The following PIK3C3 variants were observed in gnomAD, a reference collection of about 807,000 sequenced individuals.
The protein encoded by PIK3C3 is PI3-kinase type 3.
PIK3C3 carries 95 observed loss-of-function variants against 126.1 expected under a neutral mutation model. The observed-to-expected ratio is 0.75, with a 90% confidence interval of 0.64 to 0.89. The LOEUF (loss-of-function observed/expected upper bound fraction) is 0.89, where lower values mean the gene tolerates loss of function less well. Ranked by LOEUF, PIK3C3 falls within the 40% of genes least tolerant of loss-of-function variation. The probability of loss-of-function intolerance (pLI) is 0.00; values close to 1 mark genes in which losing one functional copy is unlikely to be tolerated. For synonymous variants in PIK3C3, 374 were observed against 360.0 expected, an observed-to-expected ratio of 1.04 and a Z score of -0.44; for missense variants, 829 against 1,063.2, an observed-to-expected ratio of 0.78 and a Z score of 3.06.
At chr18:41,957,447 CTTT>C in intron 1 of PIK3C3, 120 bp from the exon 2 acceptor site, 1 of 879,362 alleles carries the variant, frequency 1.1e-6, no homozygotes, top group Non-Finnish European at 1.7e-6. Flanking sequence ...CAAAGGTAAA[CTTT>C]TTAGTACTTA....
chr18:42,076,430 T>C (rs1448309627), intron 24 of PIK3C3, among the ~76,000 whole-genome samples: 2 of 151,950 alleles, frequency 1.3e-5, no homozygotes, highest in East Asian at 1.9e-4. Flanking sequence ...AAGTGTGATA[T>C]ATAAAGGAGT....
rs1199838049 is a variant in PIK3C3 at position 42,064,812 on chromosome 18, A to G, written c.2505A>G (p.Pro835=). 5 of 1,587,558 alleles carry G rather than the reference A, an allele frequency of 3.1e-6. No homozygotes were observed. Among genetic ancestry groups the G allele is most frequent in the East Asian group, 4.5e-5 (2 of 44,728 alleles). The change falls in exon 23 of 25, where the codon CCA becomes CCG. Residue 835 remains proline (P), a synonymous_variant. Transcript: ENST00000262039. ...DANIPDIALE[P]DKTVKKVQDK... The stretch of plus-strand genomic sequence containing the variant: ...ACATTCCAGATATTGCACTTGAACC[A>G]GATAAAACTGTGAAAAAGGTAATTT...
At chr18:42,037,280 T>C (rs1318530550) in intron 16 of PIK3C3, among the ~76,000 whole-genome samples, 2 of 152,228 alleles carry the variant, frequency 1.3e-5, no homozygotes, top group Non-Finnish European at 2.9e-5. Flanking sequence ...TGATGATAGA[T>C]ATATAAAGAA....
intron 4 of PIK3C3, among the ~76,000 whole-genome samples, chr18:41,977,608 C>G (rs969682543): frequency 2.0e-5 from 3 of 152,080 alleles, no homozygotes; most frequent in African/African-American, 7.2e-5. Flanking sequence ...CTGCCTCAGC[C>G]TGCTGAGTAG....
intron 24 of PIK3C3, among the ~76,000 whole-genome samples, chr18:42,079,400 G>A (rs1986154860): frequency 6.6e-6 from 1 of 152,154 alleles, no homozygotes; most frequent in Non-Finnish European, 1.5e-5. Context: ...ATTTACAATA[G>A]TGATAACGAA....
At chr18:42,057,139 A>G (rs1985105225) in intron 21 of PIK3C3, among the ~76,000 whole-genome samples, 1 of 146,656 alleles carries the variant, frequency 6.8e-6, no homozygotes, top group South Asian at 2.2e-4. Context: ...CTTACATACT[A>G]TACAATGAAA....
chr18:41,957,725 G>A lies in PIK3C3; in HGVS notation c.224G>A (p.Arg75Lys), dbSNP rs1469789993. 6.2e-7 allele frequency: 1 copy of A among 1,613,208 alleles called. No individual in the cohort carries two copies. Among genetic ancestry groups the A allele is most frequent in the South Asian group, 1.1e-5 (1 of 91,016 alleles). The change falls in exon 2 of 25, where the codon AGA (arginine) becomes AAA (lysine). Residue 75 changes from arginine to lysine, a missense_variant. Around this residue, in one of 4 missense-constraint regions of PIK3C3, gnomAD observed 313 missense variants for 340.7 expected, o/e 0.92. Transcript: ENST00000262039. Reference sequence around the variant, plus strand: ...GGGAAGCCTTTGGCCTTGCCAGTGAGAACATCCTACAAAGCATTTAGTACA... The same window carrying A: ...GGGAAGCCTTTGGCCTTGCCAGTGAAAACATCCTACAAAGCATTTAGTACA... ...AEGKPLALPV[R>K]TSYKAFSTRW...
intron 15 of PIK3C3, among the ~76,000 whole-genome samples, chr18:42,033,620 G>A (rs1162686876): frequency 2.0e-5 from 3 of 152,138 alleles, no homozygotes; most frequent in South Asian, 4.1e-4. Context: ...ACAGTCAAGC[G>A]ATTGTTTGGT....
chr18:41,999,127 G>A (rs1417153701), intron 9 of PIK3C3, among the ~76,000 whole-genome samples: 1 of 151,512 alleles, frequency 6.6e-6, no homozygotes, highest in African/African-American at 2.4e-5. Flanking sequence ...AGGACTTGAT[G>A]TTTCACCCAG....
chr18:42,058,650 AAAT>A (rs1349388208), intron 22 of PIK3C3, among the ~76,000 whole-genome samples: 1 of 152,198 alleles, frequency 6.6e-6, no homozygotes, highest in Non-Finnish European at 1.5e-5. Context: ...TGCTACAAAA[AAAT>A]GTTTTTTCTC....
intron 11 of PIK3C3, among the ~76,000 whole-genome samples, chr18:42,014,217 A>G: frequency 6.6e-6 from 1 of 151,530 alleles, no homozygotes; most frequent in South Asian, 2.1e-4. Context: ...CAAAAAAAAA[A>G]AAAAAAAAAA....
intron 1 of PIK3C3, among the ~76,000 whole-genome samples, chr18:41,955,913 G>A (rs1450838141): frequency 6.6e-6 from 1 of 152,146 alleles, no homozygotes; most frequent in Non-Finnish European, 1.5e-5. Flanking sequence ...GAGGGTTCCA[G>A]TTTCAAAGGT....
chr18:42,077,602 A>G (rs1371682406), intron 24 of PIK3C3, among the ~76,000 whole-genome samples: 1 of 152,230 alleles, frequency 6.6e-6, no homozygotes, highest in South Asian at 2.1e-4. Context: ...TCAGTCACAT[A>G]TTCAGGCTCC....
rs541362796 is a variant in PIK3C3 at position 41,960,634 on chromosome 18, C to T, written c.258-1855C>T. Among the ~76,000 whole-genome samples, 6 of 152,114 alleles carry T rather than the reference C, an allele frequency of 3.9e-5. No homozygotes were observed. In the South Asian group the frequency reaches 6.2e-4, roughly 16 times the overall value. On this transcript the variant is annotated intron_variant, in intron 2 of 24. Transcript: ENST00000262039. The stretch of plus-strand genomic sequence containing the variant: ...GGATGATTCGTGAAGAGGAGGAGAA[C>T]GAAGTGGTGTCCAAAATATATACCT...
At chr18:41,983,455 C>T (rs1981308746) in intron 4 of PIK3C3, among the ~76,000 whole-genome samples, 1 of 152,032 alleles carries the variant, frequency 6.6e-6, no homozygotes, top group South Asian at 2.1e-4. Context: ...AGTATACTTA[C>T]ATTTGTTTTC....
chr18:42,000,871 C>T (rs1982255460), intron 9 of PIK3C3, among the ~76,000 whole-genome samples: 1 of 152,072 alleles, frequency 6.6e-6, no homozygotes, highest in Non-Finnish European at 1.5e-5. Flanking sequence ...CCACCATGTC[C>T]CTCTCATAAC....
intron 12 of PIK3C3, among the ~76,000 whole-genome samples, chr18:42,017,556 A>T (rs1169560410): frequency 6.6e-6 from 1 of 152,094 alleles, no homozygotes; most frequent in Non-Finnish European, 1.5e-5. Context: ...CCCCTGTATG[A>T]TGGTAGAATT....
Position 42,086,642 on chromosome 18 carries a change from C to A in PIK3C3, c.*5505C>A, listed in dbSNP as rs1986405059. 1 of 152,188 alleles carries A rather than the reference C, an allele frequency of 6.6e-6. No individual in the cohort carries two copies. Among genetic ancestry groups the A allele is most frequent in the Non-Finnish European group, 1.5e-5 (1 of 68,034 alleles). The allele number at this position is 152,188 out of a possible 1,614,324, so 9.4% of individuals were successfully genotyped here. On this transcript the variant is annotated 3_prime_UTR_variant, in exon 25 of 25. Transcript: ENST00000262039. The stretch of plus-strand genomic sequence containing the variant: ...ACGCTAGTTATAATGCATTGACATG[C>A]TAAGAGACACTCCCACCAGCACCAT...
At chr18:42,048,988 C>T (rs1238598306) in intron 20 of PIK3C3, among the ~76,000 whole-genome samples, 5 of 152,092 alleles carry the variant, frequency 3.3e-5, no homozygotes. Flanking sequence ...ACAGCTAGAG[C>T]CAATGTCTTT....
Sources: gnomAD v4.1 joint callset for allele counts (sites outside exome capture counted in the v4.1 genomes callset) on GRCh38, gnomAD v4.1.1 for gene constraint, gnomAD v4.1.1 regional missense constraint, MANE v1.5 for transcripts, NCBI Gene and HGNC (gene_info 2026-07-23, HGNC 2026-07-21) for gene names.